The following PDE4D variants were observed in gnomAD, a reference collection of about 807,000 sequenced individuals.
PDE4D encodes the protein 3',5'-cyclic-AMP phosphodiesterase 4D.
A neutral mutation model predicts 87.4 loss-of-function variants in PDE4D; 24 were observed. The ratio of observed to expected loss-of-function variants is 0.27; its 90% CI spans 0.20 to 0.39. The LOEUF is 0.39. Among genes scored for constraint, PDE4D ranks in the 10% least tolerant of loss-of-function variants. PDE4D has a pLI of 1.00. For synonymous variants in PDE4D, 384 were observed against 383.2 expected, an observed-to-expected ratio of 1.00 and a Z score of -0.02; for missense variants, 714 against 1,041.0, an observed-to-expected ratio of 0.69 and a Z score of 4.32.
chr5:60,406,445 C>T (rs1476287530), intron 1 of PDE4D, among the ~76,000 whole-genome samples: 1 of 152,146 alleles, frequency 6.6e-6, no homozygotes, highest in East Asian at 1.9e-4. Flanking sequence ...TTTGAGATGC[C>T]ACATCTACAA....
chr5:59,766,395 A>G (rs1049969829), intron 1 of PDE4D, among the ~76,000 whole-genome samples: 5 of 152,212 alleles, frequency 3.3e-5, no homozygotes, highest in Non-Finnish European at 7.3e-5. Context: ...AATTGTGCTC[A>G]TGAAGTTTTT....
rs889648740 is a variant in PDE4D, at chr5:59,573,112, T to G, written c.455+320056A>C. ...AGGAAGCTTAGTGAGAACTTTACAT[T>G]CCATCTTGCATACCCTTGGACTTCA... On this transcript the variant is annotated intron_variant, in intron 1 of 14. Transcript: ENST00000340635. Among the ~76,000 whole-genome samples, 5 of 152,172 alleles carry G rather than the reference T, an allele frequency of 3.3e-5. No homozygotes were observed. The East Asian group carries it at 9.6e-4, about 29-fold the overall frequency.
intron 1 of PDE4D, among the ~76,000 whole-genome samples, chr5:59,432,744 T>A (rs1485710604): frequency 6.6e-6 from 1 of 152,112 alleles, no homozygotes; most frequent in Non-Finnish European, 1.5e-5. Flanking sequence ...GAAATATATA[T>A]TGGGACATAA....
chr5:58,986,722 C>A (rs1282111294), intron 11 of PDE4D, among the ~76,000 whole-genome samples: 2 of 152,118 alleles, frequency 1.3e-5, no homozygotes, highest in Non-Finnish European at 1.5e-5. Context: ...TCCATAAAAC[C>A]TGGTGCCTGG....
chr5:60,176,110 C>A (rs1783879353), intron 2 of PDE4D, among the ~76,000 whole-genome samples: 1 of 152,128 alleles, frequency 6.6e-6, no homozygotes, highest in Admixed American at 6.6e-5. Flanking sequence ...GAAAAGCCTG[C>A]TATAGGATGC....
At chr5:60,146,502 C>T (rs138450241) in intron 2 of PDE4D, among the ~76,000 whole-genome samples, 11 of 152,268 alleles carry the variant, frequency 7.2e-5, no homozygotes, top group African/African-American at 2.6e-4. Flanking sequence ...TCCTCATTGA[C>T]CCTTTTCCTC....
chr5:59,612,425 AGAG>A (rs1829133065), intron 1 of PDE4D, among the ~76,000 whole-genome samples: 2 of 152,132 alleles, frequency 1.3e-5, no homozygotes, highest in South Asian at 2.1e-4. Flanking sequence ...CTACCTAAGG[AGAG>A]GAAGATAGAC....
intron 3 of PDE4D, among the ~76,000 whole-genome samples, chr5:59,979,826 A>T (rs1761729765): frequency 6.6e-6 from 1 of 151,464 alleles, no homozygotes. Context: ...AGTACCTAGA[A>T]TTTTTTTTTG....
chr5:60,235,799 C>T (rs1013126157), intron 1 of PDE4D, among the ~76,000 whole-genome samples: 15 of 151,830 alleles, frequency 9.9e-5, no homozygotes, highest in Admixed American at 1.3e-4. Context: ...CTCCTTATTA[C>T]GTTATTGATT....
chr5:60,046,507 C>T (rs963290274), intron 2 of PDE4D, among the ~76,000 whole-genome samples: 2 of 152,036 alleles, frequency 1.3e-5, no homozygotes, highest in African/African-American at 4.8e-5. Context: ...GTGGGTTTGT[C>T]ATAGATAGCT....
chr5:60,083,584 T>A (rs922899478), intron 2 of PDE4D, among the ~76,000 whole-genome samples: 2 of 152,208 alleles, frequency 1.3e-5, no homozygotes, highest in African/African-American at 4.8e-5. Context: ...GATAGAGAAG[T>A]AGACTTTCAT....
intron 2 of PDE4D, among the ~76,000 whole-genome samples, chr5:60,170,215 G>A (rs1243128802): frequency 6.6e-6 from 1 of 151,938 alleles, no homozygotes; most frequent in Non-Finnish European, 1.5e-5. Flanking sequence ...ACACTTTAAC[G>A]TGCTTTGTCT....
intron 1 of PDE4D, among the ~76,000 whole-genome samples, chr5:59,569,982 A>G (rs1303501443): frequency 6.6e-6 from 1 of 152,222 alleles, no homozygotes; most frequent in Non-Finnish European, 1.5e-5. Flanking sequence ...TCCATATTTT[A>G]CCTTCAAAAC....
intron 1 of PDE4D, among the ~76,000 whole-genome samples, chr5:60,261,555 T>C (rs1749646794): frequency 1.3e-5 from 2 of 152,140 alleles, no homozygotes; most frequent in African/African-American, 4.8e-5. Context: ...AAAATAAGAA[T>C]ATGTATGTTT....
chr5:59,217,921 TA>T, intron 1 of PDE4D: 1 of 419,822 alleles, frequency 2.4e-6, no homozygotes, highest in East Asian at 7.3e-5. Context: ...TGGATATGCT[TA>T]AATAGGCATT....
intron 1 of PDE4D, among the ~76,000 whole-genome samples, chr5:60,370,745 C>G (rs1760953252): frequency 6.6e-6 from 1 of 151,568 alleles, no homozygotes; most frequent in African/African-American, 2.4e-5. Flanking sequence ...GATCCCAAAT[C>G]TAGTTTTGTG....
chr5:59,329,653 A>T (rs1581990014), intron 1 of PDE4D, among the ~76,000 whole-genome samples: 1 of 152,214 alleles, frequency 6.6e-6, no homozygotes, highest in Non-Finnish European at 1.5e-5. Context: ...TGCCAAATGG[A>T]ACCAGATTAT....
chr5:59,614,759 A>G (rs1029544346), intron 1 of PDE4D, among the ~76,000 whole-genome samples: 6 of 152,140 alleles, frequency 3.9e-5, no homozygotes, highest in Non-Finnish European at 7.3e-5. Context: ...GTAGGAAGGC[A>G]TTTATCTGTA....
chr5:60,260,939 C>G (rs928216597), intron 1 of PDE4D, among the ~76,000 whole-genome samples: 1 of 152,014 alleles, frequency 6.6e-6, no homozygotes, highest in East Asian at 1.9e-4. Flanking sequence ...TACAAGACAG[C>G]CTGTGAGTCA....
Sources: gnomAD v4.1 joint callset for allele counts (sites outside exome capture counted in the v4.1 genomes callset) on GRCh38, gnomAD v4.1.1 for gene constraint, MANE v1.5 for transcripts, NCBI Gene and HGNC (gene_info 2026-07-23, HGNC 2026-07-21) for gene names.